NTF3: variants seen among roughly 807,000 people sequenced by gnomAD.
NTF3 encodes the protein neurotrophin 3, also known as neurotrophin-3.
In NTF3, 8 loss-of-function variants were observed where a neutral mutation model predicts 26.3. The ratio of observed to expected loss-of-function variants is 0.30; its 90% CI spans 0.18 to 0.55. The LOEUF (loss-of-function observed/expected upper bound fraction) is 0.55. Among genes scored for constraint, NTF3 ranks in the 20% least tolerant of loss-of-function variants. The probability of loss-of-function intolerance (pLI) is 0.93; values close to 1 mark genes in which losing one functional copy is unlikely to be tolerated. For synonymous variants in NTF3, 154 were observed against 145.5 expected (o/e 1.06, Z -0.42); for missense variants, 276 against 352.9 (o/e 0.78, Z 1.75).
chr12:5,487,775 T>C (rs1456522412), intron 1 of NTF3, among the ~76,000 whole-genome samples: 4 of 152,216 alleles, frequency 2.6e-5, no homozygotes, highest in African/African-American at 9.6e-5. Flanking sequence ...TTCTCTCACC[T>C]GGTTTGACAC....
At position 5,432,169 on chromosome 12, in the gene NTF3, C is replaced by G. The variant is rs1181700372; in HGVS notation, c.-156C>G. The G allele has an allele frequency of 1.6e-5, 14 of 849,130 alleles. No homozygotes were observed. The South Asian group carries it at 1.8e-4, about 11-fold the overall frequency. The allele number at this position is 849,130 out of a possible 1,614,324, so 52.6% of individuals were successfully genotyped here. A position where few individuals can be genotyped will look rare whatever the true frequency, so the allele number is the denominator to read the frequency against. ...CCGCGCACCGCCCCGCGACGCAGCC[C>G]GGCGCAACTACTTTCTTCTCTCTCC... On this transcript the variant is annotated 5_prime_UTR_variant, in exon 1 of 2. Coordinates refer to ENST00000423158, the MANE Select transcript of NTF3 (RefSeq NM_001102654.2).
intron 1 of NTF3, among the ~76,000 whole-genome samples, chr12:5,458,071 G>A (rs1940475486): frequency 6.6e-6 from 1 of 152,130 alleles, no homozygotes; most frequent in South Asian, 2.1e-4. Context: ...CTGAGTCCTT[G>A]TTTTTTCAAC....
chr12:5,468,065 C>A (rs1940615347), intron 1 of NTF3, among the ~76,000 whole-genome samples: 1 of 152,132 alleles, frequency 6.6e-6, no homozygotes, highest in Non-Finnish European at 1.5e-5. Context: ...TGTTCCCAAA[C>A]AAATTCCCCA....
At chr12:5,478,587 C>G (rs11063700) in intron 1 of NTF3, among the ~76,000 whole-genome samples, 2 of 151,956 alleles carry the variant, frequency 1.3e-5, no homozygotes, top group African/African-American at 2.4e-5. Context: ...TTAGCCTTTT[C>G]AAAATCAGCT....
At chr12:5,486,128 A>G (rs1318313974) in intron 1 of NTF3, among the ~76,000 whole-genome samples, 1 of 152,186 alleles carries the variant, frequency 6.6e-6, no homozygotes, top group African/African-American at 2.4e-5. Context: ...AGGAGGGGCC[A>G]TATTTGACAC....
intron 1 of NTF3, among the ~76,000 whole-genome samples, chr12:5,482,880 C>T (rs946089650): frequency 6.6e-6 from 1 of 151,390 alleles, no homozygotes; most frequent in Admixed American, 6.6e-5. Flanking sequence ...GTCTTTCTCT[C>T]TGTGTGTGTT....
intron 1 of NTF3, among the ~76,000 whole-genome samples, chr12:5,486,630 A>G (rs956964827): frequency 6.6e-6 from 1 of 152,158 alleles, no homozygotes; most frequent in Non-Finnish European, 1.5e-5. Context: ...TTGGGCAGCT[A>G]TTATCTGAGG....
At chr12:5,478,962 C>T (rs1565394507) in intron 1 of NTF3, among the ~76,000 whole-genome samples, 1 of 152,178 alleles carries the variant, frequency 6.6e-6, no homozygotes, top group African/African-American at 2.4e-5. Flanking sequence ...CTTGCCAAGC[C>T]CGTCAGCACA....
chr12:5,470,772 A>G (rs1940654938), intron 1 of NTF3, among the ~76,000 whole-genome samples: 1 of 152,208 alleles, frequency 6.6e-6, no homozygotes, highest in Non-Finnish European at 1.5e-5. Flanking sequence ...AAGACAGAGC[A>G]TTCCCCTTAT....
intron 1 of NTF3, among the ~76,000 whole-genome samples, chr12:5,463,893 G>A (rs1324394753): frequency 2.0e-5 from 3 of 152,286 alleles, no homozygotes; most frequent in East Asian, 1.9e-4. Context: ...GTTGAATTAT[G>A]TCTTGGCATA....
At chr12:5,484,237 C>G (rs1241297634) in intron 1 of NTF3, among the ~76,000 whole-genome samples, 1 of 152,154 alleles carries the variant, frequency 6.6e-6, no homozygotes, top group African/African-American at 2.4e-5. Context: ...CCCCCATAAC[C>G]TTTCCATTGT....
upstream of NTF3, among the ~76,000 whole-genome samples, chr12:5,431,492 G>C (rs1270300031): frequency 2.0e-5 from 3 of 152,092 alleles, no homozygotes; most frequent in Non-Finnish European, 2.9e-5. Context: ...GCGGGTCCCC[G>C]GGAGCGGGGA....
At chr12:5,449,829 G>T (rs1340073268) in intron 1 of NTF3, among the ~76,000 whole-genome samples, 1 of 152,160 alleles carries the variant, frequency 6.6e-6, no homozygotes, top group Non-Finnish European at 1.5e-5. Context: ...TGCATTTGCT[G>T]GCTCATGTAC....
At chr12:5,472,735 T>C (rs551612647) in intron 1 of NTF3, among the ~76,000 whole-genome samples, 44 of 152,284 alleles carry the variant, frequency 2.9e-4, no homozygotes, top group African/African-American at 1.0e-3. Flanking sequence ...TCAGTGTTCC[T>C]GGGAGGGTGA....
At chr12:5,434,689 C>A (rs1940145416) in intron 1 of NTF3, among the ~76,000 whole-genome samples, 1 of 152,032 alleles carries the variant, frequency 6.6e-6, no homozygotes, top group Non-Finnish European at 1.5e-5. Flanking sequence ...AGGAGAGGTG[C>A]AGCCTGTTGA....
chr12:5,476,716 A>G (rs1333492994), intron 1 of NTF3, among the ~76,000 whole-genome samples: 1 of 152,182 alleles, frequency 6.6e-6, no homozygotes, highest in Admixed American at 6.5e-5. Flanking sequence ...ATGTCCAACA[A>G]GGGGGTGTCA....
intron 1 of NTF3, among the ~76,000 whole-genome samples, chr12:5,479,327 C>T (rs1271213584): frequency 1.3e-5 from 2 of 152,168 alleles, no homozygotes; most frequent in Non-Finnish European, 2.9e-5. Flanking sequence ...GAGGTGGTTC[C>T]GCTTTGGAAA....
At chr12:5,469,415 G>T (rs1940636281) in intron 1 of NTF3, among the ~76,000 whole-genome samples, 1 of 152,128 alleles carries the variant, frequency 6.6e-6, no homozygotes, top group Non-Finnish European at 1.5e-5. Context: ...AAGATGGCCT[G>T]TGTAGAGTCC....
rs192817713 is a variant in NTF3 at position 5,445,720 on chromosome 12, C to T, written c.18+13378C>T. Reference sequence around the variant, plus strand: ...ACGAGGTGAATGCAATGTGCAGCCACGTTGAGAACCACTAGCTGACACTGC... The same window carrying T: ...ACGAGGTGAATGCAATGTGCAGCCATGTTGAGAACCACTAGCTGACACTGC... On this transcript the variant is annotated intron_variant, in intron 1 of 1. Transcript: ENST00000423158. Among the ~76,000 whole-genome samples the T allele has an allele frequency of 6.6e-4, 101 of 152,334 alleles. 1 individual carries two copies. In the South Asian group the frequency reaches 0.018, roughly 27 times the overall value.
Sources: allele counts gnomAD v4.1 joint callset (sites outside exome capture counted in the v4.1 genomes callset), GRCh38; gene constraint gnomAD v4.1.1; transcripts MANE v1.5; gene names NCBI Gene and HGNC (gene_info 2026-07-23, HGNC 2026-07-21).